SEC16A: variants seen among roughly 807,000 people sequenced by gnomAD.
The protein encoded by SEC16A is protein transport protein Sec16A.
SEC16A carries 110 observed loss-of-function variants against 221.9 expected under a neutral mutation model. The observed-to-expected ratio is 0.50, with a 90% confidence interval of 0.42 to 0.58. SEC16A has a LOEUF of 0.58. Among genes scored for constraint, SEC16A ranks in the 20% least tolerant of loss-of-function variants. The probability of loss-of-function intolerance (pLI) is 0.00; values close to 1 mark genes in which losing one functional copy is unlikely to be tolerated. For synonymous variants in SEC16A, 1,393 were observed against 1,257.7 expected (o/e 1.11, Z -2.28); for missense variants, 3,165 against 3,097.8 (o/e 1.02, Z -0.52).
Position 136,477,336 on chromosome 9 carries a change from C to T in SEC16A, c.280G>A (p.Val94Ile), listed in dbSNP as rs982633320. 4 of 1,613,874 alleles carry T rather than the reference C, an allele frequency of 2.5e-6. No homozygotes were observed. Among genetic ancestry groups the T allele is most frequent in the African/African-American group, 2.7e-5 (2 of 74,932 alleles). ...CTATCTCTGGCATGTGTGTGAGGAA[C>T]AAGCAAACCGGGGTGCTGAGAAAAC... ...AGFSQHPGLL[V>I]PHTHARDSSQ... Residue 94 changes from valine (V) to isoleucine (I), a missense_variant, in exon 3 of 32, where the codon GTT (valine) becomes ATT (isoleucine). Around this residue, in one of 3 missense-constraint regions of SEC16A, gnomAD observed 2,030 missense variants for 1,923.1 expected, o/e 1.06. Coordinates refer to ENST00000684901, the MANE Select transcript of SEC16A (RefSeq NM_014866.2).
rs1840192950 is a variant in SEC16A, at chr9:136,466,587, C to T, written c.3930-125G>A. 1.3e-5 allele frequency: 11 copies of T among 860,684 alleles called. No homozygotes were observed. The highest frequency in any genetic ancestry group is 7.2e-5 in the South Asian group (4 of 55,698). 53.3% of individuals were successfully genotyped at this position (860,684 alleles called of 1,614,324 possible). A position where few individuals can be genotyped will look rare whatever the true frequency, so the allele number is the denominator to read the frequency against. ...GGGCCGAGGCACAACACAGCACACC[C>T]GACACTCAGGGCCCTCTGACGTGCA... On this transcript the variant is annotated intron_variant, in intron 6 of 31. Coordinates refer to ENST00000684901, the MANE Select transcript of SEC16A (RefSeq NM_014866.2). The surrounding 1 kb of genome is among the most constrained non-coding windows in gnomAD (Gnocchi z 5.5).
chr9:136,462,300 C>T (rs542349278), intron 12 of SEC16A, among the ~76,000 whole-genome samples: 1 of 152,254 alleles, frequency 6.6e-6, no homozygotes, highest in East Asian at 1.9e-4. Context: ...ACAGCCCCTC[C>T]TGTGCACATA....
In SEC16A at chr9:136,455,476, T is replaced by C; in HGVS notation, c.5857+125A>G. ...GAGCCCCACAACCACCGAGGTGGTG[T>C]GAGACACTGCCTCCAACAGTCCACA... On this transcript the variant is annotated intron_variant, in intron 20 of 31. Coordinates refer to ENST00000684901, the MANE Select transcript of SEC16A (RefSeq NM_014866.2). 5 of 896,450 alleles carry C rather than the reference T, an allele frequency of 5.6e-6. 1 individual carries two copies. The South Asian group carries it at 8.9e-5, about 16-fold the overall frequency. 55.5% of individuals were successfully genotyped at this position (896,450 alleles called of 1,614,324 possible).
In SEC16A at chr9:136,451,444, G is replaced by A. The variant is rs1262201183; in HGVS notation, c.6160-36C>T. 1.9e-6 allele frequency: 3 copies of A among 1,551,678 alleles called. No homozygotes were observed. The East Asian group carries it at 6.8e-5, about 35-fold the overall frequency. ...GAAATGCAGAACAGGCTCTCCTGGG[G>A]CTCCTCACAGGAACCGAAAGAGAGA... is the stretch of plus-strand genomic sequence containing the variant. On this transcript the variant is annotated intron_variant, in intron 22 of 31. Transcript: ENST00000684901.
intron 20 of SEC16A, among the ~76,000 whole-genome samples, chr9:136,455,394 TC>T (rs769573307): frequency 1.1e-4 from 17 of 151,990 alleles, no homozygotes; most frequent in Non-Finnish European, 2.5e-4. Context: ...GCCATGAGCC[TC>T]CCCTCCATGG....
chr9:136,456,622 T>C (rs988635873), intron 18 of SEC16A, among the ~76,000 whole-genome samples: 1 of 152,202 alleles, frequency 6.6e-6, no homozygotes, highest in African/African-American at 2.4e-5. Context: ...TCTCTGAACT[T>C]TGAAATGGGT....
chr9:136,444,333 A>G (rs113132696), intron 30 of SEC16A, among the ~76,000 whole-genome samples: 424 of 151,988 alleles, frequency 2.8e-3, no homozygotes, highest in African/African-American at 9.8e-3. Context: ...GCGTTCGTTC[A>G]CCTCCCTCCC....
Position 136,446,864 on chromosome 9 carries a change from T to TG in SEC16A, c.6782dup (p.Glu2262ArgfsTer15), listed in dbSNP as rs780303526. On this transcript the variant is annotated frameshift_variant, in exon 28 of 32. Coordinates refer to ENST00000684901, the MANE Select transcript of SEC16A (RefSeq NM_014866.2). LOFTEE classifies it high-confidence loss of function. ...CACCGTACCCGCTCACCTTGGGCTC[T>TG]GGGGCAGGCTCTGGATTGGCCAGGC... is the stretch of plus-strand genomic sequence containing the variant. 1.2e-6 allele frequency: 2 copies of TG among 1,605,650 alleles called. No individual in the cohort carries two copies. Among genetic ancestry groups the TG allele is most frequent in the Non-Finnish European group, 1.7e-6 (2 of 1,177,154 alleles).
Position 136,466,065 on chromosome 9 carries a change from G to A in SEC16A, c.4200C>T (p.His1400=), listed in dbSNP as rs760389483. The A allele has an allele frequency of 1.4e-5, 22 of 1,613,162 alleles. No homozygotes were observed. The highest frequency in any genetic ancestry group is 4.0e-5 in the African/African-American group (3 of 74,940). Residue 1400 remains histidine (H), a synonymous_variant, in exon 8 of 32, where the codon CAC becomes CAT. Coordinates refer to ENST00000684901, the MANE Select transcript of SEC16A (RefSeq NM_014866.2). This position sits in a 1 kb window ranked among gnomAD's most constrained non-coding sequence, Gnocchi z 5.5. ...GGTAGGTGCCGTAGGCAAAATCGCC[G>A]TGAAAGGAGCCTGGAGGAAGCGGGG... is the stretch of plus-strand genomic sequence containing the variant. The part of the protein sequence containing the change: ...YEAPLPPGSF[H]GDFAYGTYRS...
Position 136,441,586 on chromosome 9 carries a change from A to T in SEC16A, c.*169T>A, listed in dbSNP as rs2131657357. 1 of 591,416 alleles carries T rather than the reference A, an allele frequency of 1.7e-6. No homozygotes were observed. The highest frequency in any genetic ancestry group is 2.0e-5 in the South Asian group (1 of 49,066). 36.6% of individuals were successfully genotyped at this position (591,416 alleles called of 1,614,324 possible). A position where few individuals can be genotyped will look rare whatever the true frequency, so the allele number is the denominator to read the frequency against. On this transcript the variant is annotated 3_prime_UTR_variant, in exon 32 of 32. Transcript: ENST00000684901. ...TGAAAGGATGGTGGAATTAATTTTC[A>T]AAATAATTCATTACGATGGGCGGTG...
chr9:136,453,670 A>T (rs1378320904), intron 21 of SEC16A, among the ~76,000 whole-genome samples, 160 bp from the exon 22 acceptor site: 2 of 152,040 alleles, frequency 1.3e-5, no homozygotes, highest in Non-Finnish European at 2.9e-5. Context: ...ATGTGTGCAC[A>T]CTCTTTCATT....
upstream of SEC16A, chr9:136,484,345 C>T (rs941565495): frequency 4.4e-5 from 51 of 1,148,594 alleles, no homozygotes; most frequent in Non-Finnish European, 5.5e-5. Context: ...GCAGCATCCA[C>T]GCCCTCCCGC....
chr9:136,453,224 C>T (rs1457085225), intron 22 of SEC16A, among the ~76,000 whole-genome samples: 2 of 152,094 alleles, frequency 1.3e-5, no homozygotes, highest in African/African-American at 4.8e-5. Context: ...TTCTCTCTTC[C>T]CCATCTTTCC....
chr9:136,453,500 C>T lies in SEC16A; in HGVS notation c.6087G>A (p.Pro2029=), dbSNP rs753636865. The T allele has an allele frequency of 2.5e-5, 40 of 1,612,392 alleles. No homozygotes were observed. Among genetic ancestry groups the T allele is most frequent in the Admixed American group, 6.7e-5 (4 of 59,992 alleles). Residue 2029 remains proline (P), a synonymous_variant, in exon 22 of 32, where the codon CCG becomes CCA. Coordinates refer to ENST00000684901, the MANE Select transcript of SEC16A (RefSeq NM_014866.2). ...GTGAGTTTCCAACAGGCGCCTCCTG[C>T]GGCACTATCCCTGTCAACGGGAAAG... is the stretch of plus-strand genomic sequence containing the variant. ...EARSPDPGIV[P]QEAPVGNSLS... is the part of the protein sequence containing the mutation.
In SEC16A at chr9:136,476,779, T is replaced by C; in HGVS notation, c.837A>G (p.Gly279=). ...TTTGCAAGTGGCTCACCTCGTCTCT[T>C]CCGTCACTGGGCAAGGCTGCTGGGG... ...VAPPAALPSD[G]RDEVSHLQSG... The change falls in exon 3 of 32, where the codon GGA becomes GGG. Residue 279 remains glycine, a synonymous_variant. Coordinates refer to ENST00000684901, the MANE Select transcript of SEC16A (RefSeq NM_014866.2). 6.2e-7 allele frequency: 1 copy of C among 1,611,538 alleles called. No homozygotes were observed. Among genetic ancestry groups the C allele is most frequent in the Non-Finnish European group, 8.5e-7 (1 of 1,178,252 alleles).
intron 8 of SEC16A, 112 bp downstream of exon 8, chr9:136,465,850 G>C: frequency 8.8e-7 from 1 of 1,132,926 alleles, no homozygotes. Flanking sequence ...GTCAGAGCCA[G>C]GCCAGGACAT....
In SEC16A at chr9:136,459,567, C is replaced by T. The variant is rs374683028; in HGVS notation, c.5192-12G>A. 172 of 1,571,210 alleles carry T rather than the reference C, an allele frequency of 1.1e-4. No individual in the cohort carries two copies. In the African/African-American group the frequency reaches 1.1e-3, roughly 10 times the overall value. Reference sequence around the variant, plus strand: ...GAGGCCCCTTGAAGCTGCGGAGAGACGACACGACACACGGCGGGGGCTCAG... The same window carrying T: ...GAGGCCCCTTGAAGCTGCGGAGAGATGACACGACACACGGCGGGGGCTCAG... On this transcript the variant is annotated splice_polypyrimidine_tract_variant and intron_variant, in intron 15 of 31. Coordinates refer to ENST00000684901, the MANE Select transcript of SEC16A (RefSeq NM_014866.2). This position sits in a 1 kb window ranked among gnomAD's most constrained non-coding sequence, Gnocchi z 6.1.
intron 9 of SEC16A, 40 bp from the exon 10 acceptor site, chr9:136,463,780 C>T: frequency 6.2e-7 from 1 of 1,608,824 alleles, no homozygotes; most frequent in African/African-American, 1.3e-5. Flanking sequence ...AGCCAGTGCG[C>T]AGCCACCCTG....
In SEC16A at chr9:136,476,944, G is replaced by A. The variant is rs1400080383; in HGVS notation, c.672C>T (p.Pro224=). The change falls in exon 3 of 32, where the codon CCC becomes CCT. Residue 224 remains proline (P), a synonymous_variant. Coordinates refer to ENST00000684901, the MANE Select transcript of SEC16A (RefSeq NM_014866.2). The part of the protein sequence containing the change: ...QWGPVQGGPQ[P]SGQHRSPCPE... ...GGCAGGGTGAACGATGTTGCCCCGAGGGCTGTGGGCCTCCCTGCACTGGCC... is the reference window on the plus strand; with the variant it reads ...GGCAGGGTGAACGATGTTGCCCCGAAGGCTGTGGGCCTCCCTGCACTGGCC... The A allele has an allele frequency of 1.2e-6, 2 of 1,612,580 alleles. No individual in the cohort carries two copies. The highest frequency in any genetic ancestry group is 2.7e-5 in the African/African-American group (2 of 74,924).
Sources: allele counts gnomAD v4.1 joint callset (sites outside exome capture counted in the v4.1 genomes callset), GRCh38; gene constraint gnomAD v4.1.1; regional missense constraint gnomAD v4.1.1; non-coding constraint Gnocchi (gnomAD v3.1); transcripts MANE v1.5; gene names NCBI Gene and HGNC (gene_info 2026-07-23, HGNC 2026-07-21).